The following VPS13B variants were observed in gnomAD, a reference collection of about 807,000 sequenced individuals.
The protein encoded by VPS13B is intermembrane lipid transfer protein VPS13B.
In VPS13B, 285 loss-of-function variants were observed where a neutral mutation model predicts 426.4. That is an observed-to-expected ratio of 0.67 (90% CI 0.61 to 0.74). The LOEUF is 0.74. VPS13B is among the 30% of genes least tolerant of loss of function. VPS13B has a pLI of 0.00. For missense variants in VPS13B, 4,537 were observed against 4,782.6 expected, an observed-to-expected ratio of 0.95 and a Z score of 1.51; for synonymous variants, 1,676 against 1,676.4, an observed-to-expected ratio of 1.00 and a Z score of 0.01.
At chr8:99,289,773 G>A (rs1291717483) in intron 19 of VPS13B, among the ~76,000 whole-genome samples, 4 of 151,906 alleles carry the variant, frequency 2.6e-5, no homozygotes, top group Non-Finnish European at 4.4e-5. Flanking sequence ...GTAAGTTGCT[G>A]GTAAGTTTTT....
rs986403020 is a variant in VPS13B, at chr8:99,336,987, A to G, written c.2825-47221A>G. On this transcript the variant is annotated intron_variant, in intron 19 of 61. Transcript: ENST00000357162. ...TCAGGGATCTAGAACTAGAAATACCATTTGACCCAGCCATCCCATTACTGG... is the reference window on the plus strand; with the variant it reads ...TCAGGGATCTAGAACTAGAAATACCGTTTGACCCAGCCATCCCATTACTGG... 6.6e-5 allele frequency among the ~76,000 whole-genome samples: 10 copies of G among 152,110 alleles called. 1 individual carries two copies. Among genetic ancestry groups the G allele is most frequent in the South Asian group, 4.1e-4 (2 of 4,828 alleles).
At chr8:99,632,133 G>A (rs1369946411) in intron 33 of VPS13B, among the ~76,000 whole-genome samples, 1 of 151,880 alleles carries the variant, frequency 6.6e-6, no homozygotes. Flanking sequence ...ATAGTGTTGT[G>A]AATGTGATAT....
chr8:99,255,587 G>A (rs1024374314), intron 17 of VPS13B, among the ~76,000 whole-genome samples: 1 of 152,200 alleles, frequency 6.6e-6, no homozygotes. Context: ...TACAAATCCA[G>A]GTTTTCCACT....
intron 61 of VPS13B, among the ~76,000 whole-genome samples, chr8:99,874,422 ATCTC>A (rs1817589183): frequency 6.6e-6 from 1 of 152,126 alleles, no homozygotes; most frequent in South Asian, 2.1e-4. Flanking sequence ...CCTCTTTACT[ATCTC>A]TCTGCCATCG....
At chr8:99,591,945 G>A (rs1826702020) in intron 33 of VPS13B, among the ~76,000 whole-genome samples, 1 of 152,110 alleles carries the variant, frequency 6.6e-6, no homozygotes, top group African/African-American at 2.4e-5. Context: ...CCTGAAGAGT[G>A]TTTTCCAGCT....
chr8:99,629,163 C>G (rs919708993), intron 33 of VPS13B, among the ~76,000 whole-genome samples: 1 of 152,112 alleles, frequency 6.6e-6, no homozygotes, highest in African/African-American at 2.4e-5. Flanking sequence ...TAGAGTTGTT[C>G]TGAGGATTAA....
At chr8:99,431,487 G>A in intron 21 of VPS13B, 50 bp from the exon 22 acceptor site, 1 of 1,605,684 alleles carries the variant, frequency 6.2e-7, no homozygotes, top group East Asian at 2.2e-5. Context: ...TATGTTCTGT[G>A]AAATTGTAAG....
intron 33 of VPS13B, among the ~76,000 whole-genome samples, chr8:99,605,978 C>A (rs1827550801): frequency 1.3e-5 from 2 of 152,192 alleles, no homozygotes; most frequent in Admixed American, 6.5e-5. Flanking sequence ...TCACTACAAC[C>A]TCTGCCTCCC....
chr8:99,839,762 GAA>G (rs1395033334), intron 54 of VPS13B, among the ~76,000 whole-genome samples: 1 of 152,198 alleles, frequency 6.6e-6, no homozygotes, highest in Non-Finnish European at 1.5e-5. Flanking sequence ...CCTAATGCAA[GAA>G]TCCCTTCCAT....
chr8:99,436,993 C>T lies in VPS13B; in HGVS notation c.3210+5329C>T, dbSNP rs188251114. Among the ~76,000 whole-genome samples the T allele has an allele frequency of 9.5e-4, 145 of 152,208 alleles. 1 individual carries two copies. The highest frequency in any genetic ancestry group is 1.6e-3 in the Non-Finnish European group (107 of 68,004). On this transcript the variant is annotated intron_variant, in intron 22 of 61. Coordinates refer to ENST00000357162, the MANE Select transcript of VPS13B (RefSeq NM_152564.5). Reference sequence around the variant, plus strand: ...TGACCTCGTGATCCACCCGCCTCGGCCTCCTAAAGTGCTGGGATTACAGGC... The same window carrying T: ...TGACCTCGTGATCCACCCGCCTCGGTCTCCTAAAGTGCTGGGATTACAGGC...
chr8:99,601,576 C>T (rs942073578), intron 33 of VPS13B, among the ~76,000 whole-genome samples: 1 of 152,206 alleles, frequency 6.6e-6, no homozygotes, highest in Admixed American at 6.5e-5. Context: ...AATTGCCACA[C>T]TGTCTTCCAC....
chr8:99,772,279 T>C (rs1811540148), intron 40 of VPS13B, among the ~76,000 whole-genome samples: 1 of 152,054 alleles, frequency 6.6e-6, no homozygotes, highest in Non-Finnish European at 1.5e-5. Flanking sequence ...TTTTTCAAAC[T>C]ACAAACTGGA....
intron 23 of VPS13B, among the ~76,000 whole-genome samples, chr8:99,456,684 G>A (rs1238987346): frequency 6.6e-6 from 1 of 152,040 alleles, no homozygotes; most frequent in African/African-American, 2.4e-5. Flanking sequence ...TCTTTATATG[G>A]TGCTGGATAT....
In VPS13B at chr8:99,456,007, A is replaced by G. The variant is rs3105199; in HGVS notation, c.3446-11407A>G. Among the ~76,000 whole-genome samples, 111 of 152,314 alleles carry G rather than the reference A, an allele frequency of 7.3e-4. 2 individuals are homozygous for G. The East Asian group carries it at 0.019, about 26-fold the overall frequency. ...AATTTTTGGGTTGAATGGTAAATTT[A>G]TGTTGAACAGTTCAAGAAACTCCCA... On this transcript the variant is annotated intron_variant, in intron 23 of 61. Transcript: ENST00000357162.
chr8:99,696,350 G>T, intron 35 of VPS13B: 1 of 277,084 alleles, frequency 3.6e-6, no homozygotes, highest in Non-Finnish European at 7.2e-6. Flanking sequence ...GAGCTGAAGC[G>T]CTACTGCCTT....
Position 99,859,419 on chromosome 8 carries a change from T to C in VPS13B, c.10983T>C (p.Pro3661=), listed in dbSNP as rs1436199960. ...CGTATGAGGGGCTGACCCGGGGCCC[T>C]GGAGCCTTCGTGAGTGGCGTCTCCA... ...RLPYEGLTRG[P]GAFVSGVSRG... is the part of the protein sequence containing the mutation. The change falls in exon 57 of 62, where the codon CCT becomes CCC. Residue 3661 remains proline, a synonymous_variant. Transcript: ENST00000357162. The C allele has an allele frequency of 1.9e-6, 3 of 1,614,150 alleles. No individual in the cohort carries two copies. The highest frequency in any genetic ancestry group is 2.2e-5 in the South Asian group (2 of 91,078).
intron 3 of VPS13B, among the ~76,000 whole-genome samples, chr8:99,066,257 C>G (rs990636809): frequency 2.0e-5 from 3 of 152,336 alleles, no homozygotes; most frequent in African/African-American, 7.2e-5. Flanking sequence ...AACTATCCTA[C>G]AAGGCTACAG....
intron 19 of VPS13B, among the ~76,000 whole-genome samples, chr8:99,326,185 G>C (rs900868285): frequency 5.9e-5 from 9 of 152,014 alleles, no homozygotes; most frequent in Non-Finnish European, 1.3e-4. Flanking sequence ...AATTTTCTGT[G>C]CTTTGTGGTT....
intron 55 of VPS13B, among the ~76,000 whole-genome samples, chr8:99,849,552 A>G (rs1816154510): frequency 6.6e-6 from 1 of 152,214 alleles, no homozygotes; most frequent in South Asian, 2.1e-4. Context: ...ACTATTTCCA[A>G]TTTATAAGCA....
Sources: gnomAD v4.1 joint callset for allele counts (sites outside exome capture counted in the v4.1 genomes callset) on GRCh38, gnomAD v4.1.1 for gene constraint, MANE v1.5 for transcripts, NCBI Gene and HGNC (gene_info 2026-07-23, HGNC 2026-07-21) for gene names.